The following ZC3H11A variants were observed in gnomAD, a reference collection of about 807,000 sequenced individuals.
ZC3H11A encodes the protein zinc finger CCCH-type containing 11A.
Under a neutral mutation model 90.8 loss-of-function variants are expected in ZC3H11A, and 22 were observed. That is an observed-to-expected ratio of 0.24 (90% CI 0.17 to 0.35). The LOEUF (loss-of-function observed/expected upper bound fraction) is 0.35. ZC3H11A is among the 10% of genes least tolerant of loss of function. The pLI, the probability that ZC3H11A is intolerant of heterozygous loss-of-function variation, is 1.00. For missense variants in ZC3H11A, 701 were observed against 964.9 expected (o/e 0.73, Z 3.62); for synonymous variants, 294 against 339.8 (o/e 0.87, Z 1.48).
At chr1:203,819,560 GT>G (rs1382273433) in intron 4 of ZC3H11A, among the ~76,000 whole-genome samples, 1 of 77,008 alleles carries the variant, frequency 1.3e-5, no homozygotes, top group Non-Finnish European at 2.6e-5. Context: ...TTGAGACAGA[GT>G]TTTGCTCTTG....
In ZC3H11A at chr1:203,814,527, G is replaced by GA. The variant is rs1207906868; in HGVS notation, c.-145-2389dup. ...TGACAGAGCAAGACTCCATCTCAAAGAAAAAAAAAAGAATAACCTTTCCTC... is the reference window on the plus strand; with the variant it reads ...TGACAGAGCAAGACTCCATCTCAAAGAAAAAAAAAAAGAATAACCTTTCCTC... On this transcript the variant is annotated intron_variant, in intron 2 of 17. Coordinates refer to ENST00000367210, the MANE Select transcript of ZC3H11A (RefSeq NM_001376342.1). Among the ~76,000 whole-genome samples the GA allele has an allele frequency of 3.3e-4, 48 of 146,308 alleles. No homozygotes were observed. In the Middle Eastern group the frequency reaches 0.01, roughly 32 times the overall value.
chr1:203,837,795 C>G (rs1311619567), intron 10 of ZC3H11A, among the ~76,000 whole-genome samples, 171 bp from the exon 11 acceptor site: 2 of 152,142 alleles, frequency 1.3e-5, no homozygotes, highest in Admixed American at 1.3e-4. Context: ...CCTCTTTTCT[C>G]CGACATTTTT....
At chr1:203,796,934 T>G (rs1294239025) in intron 1 of ZC3H11A, 1 of 153,682 alleles carries the variant, frequency 6.5e-6, no homozygotes, top group Non-Finnish European at 1.4e-5. Flanking sequence ...GTATGCGGAG[T>G]CTGTGTTGGC....
rs776806055 is a variant in ZC3H11A at position 203,852,336 on chromosome 1, C to T, written c.2370C>T (p.Asp790=). 2 of 1,613,652 alleles carry T rather than the reference C, an allele frequency of 1.2e-6. No homozygotes were observed. Among genetic ancestry groups the T allele is most frequent in the African/African-American group, 1.3e-5 (1 of 74,932 alleles). The change falls in exon 18 of 18, where the codon GAC becomes GAT. Residue 790 remains aspartate (D), a synonymous_variant. Coordinates refer to ENST00000367210, the MANE Select transcript of ZC3H11A (RefSeq NM_001376342.1). ...GAGGCAAATTGGAAGCTGAGATTGA[C>T]CTGGATCCTGGGAAAGATGAAGATG... ...ISGGKLEAEI[D]LDPGKDEDDL... is the part of the protein sequence containing the mutation.
intron 7 of ZC3H11A, 51 bp from the exon 8 acceptor site, chr1:203,830,072 C>A (rs1681770547): frequency 1.4e-6 from 2 of 1,465,946 alleles, no homozygotes; most frequent in South Asian, 1.2e-5. Context: ...AGATAAAATA[C>A]AAAGATGAAA....
chr1:203,835,120 G>A (rs950396415), intron 10 of ZC3H11A, among the ~76,000 whole-genome samples: 2 of 152,228 alleles, frequency 1.3e-5, no homozygotes, highest in Non-Finnish European at 2.9e-5. Context: ...CAGACAGTGA[G>A]AGATGGGAAT....
chr1:203,851,205 A>G, intron 17 of ZC3H11A, 81 bp downstream of exon 17: 1 of 1,218,132 alleles, frequency 8.2e-7, no homozygotes, highest in South Asian at 1.4e-5. Context: ...ACTGATAAAT[A>G]ACTTTAGCAA....
intron 2 of ZC3H11A, chr1:203,806,322 G>T (rs957195921): frequency 4.3e-6 from 1 of 233,810 alleles, no homozygotes; most frequent in African/African-American, 2.4e-5. Context: ...TTTTTTTTGA[G>T]ACGGAGTCTC....
rs980282012 is a variant in ZC3H11A, at chr1:203,846,136, G to T, written c.1043-1048G>T. On this transcript the variant is annotated intron_variant, in intron 12 of 17. Coordinates refer to ENST00000367210, the MANE Select transcript of ZC3H11A (RefSeq NM_001376342.1). ...TTACCAAAAAAAAAAAAAAAAAAAA[G>T]ATTTTGAAAAGATATAATTTTTTTG... Among the ~76,000 whole-genome samples the T allele has an allele frequency of 4.2e-3, 467 of 110,540 alleles. 4 individuals carry two copies. Among genetic ancestry groups the T allele is most frequent in the Middle Eastern group, 0.04 (8 of 200 alleles). 72.5% of individuals were successfully genotyped at this position (110,540 alleles called of 152,430 possible).
In ZC3H11A at chr1:203,818,072, T is replaced by A. The variant is rs1676965311; in HGVS notation, c.55-498T>A. ...ATATTATGTTTTAAATGATGAGTTT[T>A]GAGCAAAGCTGTGATAATTTTATCT... On this transcript the variant is annotated intron_variant, in intron 3 of 17. Transcript: ENST00000367210. Among the ~76,000 whole-genome samples the A allele has an allele frequency of 2.0e-5, 3 of 152,256 alleles. No homozygotes were observed. In the South Asian group the frequency reaches 6.2e-4, roughly 32 times the overall value.
intron 4 of ZC3H11A, 93 bp downstream of exon 4, chr1:203,818,782 T>G: frequency 6.3e-7 from 1 of 1,581,004 alleles, no homozygotes; most frequent in East Asian, 2.3e-5. Flanking sequence ...TTAAAAAATA[T>G]ATTAAGGCTG....
At chr1:203,832,242 G>A (rs1354263763) in intron 9 of ZC3H11A, among the ~76,000 whole-genome samples, 1 of 152,044 alleles carries the variant, frequency 6.6e-6, no homozygotes, top group East Asian at 1.9e-4. Flanking sequence ...TGTATTTTTA[G>A]TAGAGACGGG....
intron 4 of ZC3H11A, among the ~76,000 whole-genome samples, chr1:203,820,419 CT>C (rs769034183): frequency 4.0e-5 from 6 of 150,890 alleles, no homozygotes; most frequent in Non-Finnish European, 7.4e-5. Flanking sequence ...TGTATTCCCC[CT>C]CATTACTAAA....
chr1:203,819,963 T>G (rs66885064), intron 4 of ZC3H11A, among the ~76,000 whole-genome samples: 38,629 of 151,350 alleles, frequency 0.26, 5,216 homozygotes, highest in East Asian at 0.34. Flanking sequence ...CAGGCTGGGC[T>G]CAGTGGCTCA....
At chr1:203,825,188 C>T (rs990127589) in intron 4 of ZC3H11A, among the ~76,000 whole-genome samples, 6 of 151,802 alleles carry the variant, frequency 4.0e-5, no homozygotes, top group African/African-American at 1.5e-4. Context: ...ATTAAATGCA[C>T]CCAAAACAAA....
chr1:203,839,737 A>T (rs1425731172), intron 11 of ZC3H11A, among the ~76,000 whole-genome samples: 2 of 152,206 alleles, frequency 1.3e-5, no homozygotes, highest in Admixed American at 1.3e-4. Context: ...CTACAATAAC[A>T]AAATTATTTC....
rs1159783945 is a variant in ZC3H11A at position 203,818,566 on chromosome 1, A to G, written c.55-4A>G. On this transcript the variant is annotated splice_polypyrimidine_tract_variant and splice_region_variant and intron_variant, in intron 3 of 17. Transcript: ENST00000367210. The stretch of plus-strand genomic sequence containing the variant: ...CAAATAGAGTGTTCTCTATTTGTTT[A>G]CAGGGTGACAGCTGCCCATTCCGTC... The G allele has an allele frequency of 6.2e-7, 1 of 1,613,978 alleles. No homozygotes were observed. Among genetic ancestry groups the G allele is most frequent in the Non-Finnish European group, 8.5e-7 (1 of 1,179,934 alleles).
intron 12 of ZC3H11A, among the ~76,000 whole-genome samples, chr1:203,846,170 G>T (rs1270708883): frequency 4.2e-5 from 6 of 141,296 alleles, no homozygotes; most frequent in African/African-American, 5.1e-5. Context: ...TGGGGGGGGG[G>T]TTCATTAAAA....
In ZC3H11A at chr1:203,840,296, C is replaced by T; in HGVS notation, c.974-10C>T. On this transcript the variant is annotated splice_polypyrimidine_tract_variant and intron_variant, in intron 11 of 17. Coordinates refer to ENST00000367210, the MANE Select transcript of ZC3H11A (RefSeq NM_001376342.1). ...CAACTTTTGATTTTTGAAAATCTTT[C>T]TTTTCACAGCTCAAGTTTCCAAGTC... The T allele has an allele frequency of 6.2e-7, 1 of 1,611,414 alleles. No homozygotes were observed.
Sources: gnomAD v4.1 joint callset for allele counts (sites outside exome capture counted in the v4.1 genomes callset) on GRCh38, gnomAD v4.1.1 for gene constraint, MANE v1.5 for transcripts, NCBI Gene and HGNC (gene_info 2026-07-23, HGNC 2026-07-21) for gene names.